Variants in PIK3R3 observed in about 807,000 individuals in gnomAD.
PIK3R3 encodes the protein phosphoinositide-3-kinase regulatory subunit 3.
A neutral mutation model predicts 62.9 loss-of-function variants in PIK3R3; 64 were observed. The ratio of observed to expected loss-of-function variants is 1.02; its 90% CI spans 0.83 to 1.25. The LOEUF is 1.25. Ranked by LOEUF, PIK3R3 falls within the 50% of genes most tolerant of loss-of-function variation. The pLI is 0.00. For missense variants in PIK3R3, 614 were observed against 561.6 expected (o/e 1.09, Z -0.94); for synonymous variants, 165 against 189.0 (o/e 0.87, Z 1.04).
intron 1 of PIK3R3, among the ~76,000 whole-genome samples, chr1:46,128,454 G>GA (rs935930408): frequency 1.3e-5 from 2 of 151,848 alleles, no homozygotes; most frequent in African/African-American, 4.8e-5. Context: ...AAATAAAGAT[G>GA]AAAAAACATA....
rs549776211 is a variant in PIK3R3, at chr1:46,081,514, G to C, written c.107-764C>G. Among the ~76,000 whole-genome samples, 8 of 152,250 alleles carry C rather than the reference G, an allele frequency of 5.3e-5. No individual in the cohort carries two copies. In the Middle Eastern group the frequency reaches 0.01, roughly 194 times the overall value. ...GTGAACTGCACATGTGAGGGATCGA[G>C]GTTGTGTGATCCTTATGAAAATCTA... On this transcript the variant is annotated intron_variant, in intron 1 of 9. Coordinates refer to ENST00000262741, the MANE Select transcript of PIK3R3 (RefSeq NM_003629.4).
chr1:46,055,842 G>C lies in PIK3R3; in HGVS notation c.894C>G (p.Ile298Met). ...NREIDKKMNS[I>M]KPDLIQLRKI... ...TTCGCAGCTGGATCAGGTCAGGTTT[G>C]ATGCTATTCATTTTTTTATCTATTT... The change falls in exon 7 of 10, where the codon ATC becomes ATG. Residue 298 changes from isoleucine to methionine, a missense_variant. Transcript: ENST00000262741. The C allele has an allele frequency of 3.1e-6, 5 of 1,609,288 alleles. No individual in the cohort carries two copies. Among genetic ancestry groups the C allele is most frequent in the South Asian group, 1.1e-5 (1 of 90,676 alleles).
chr1:46,100,864 G>T (rs1407743967), intron 1 of PIK3R3, among the ~76,000 whole-genome samples: 3 of 152,086 alleles, frequency 2.0e-5, no homozygotes, highest in Non-Finnish European at 4.4e-5. Context: ...CATTGTAGCT[G>T]TTGCTGCTAT....
At chr1:46,110,355 C>T (rs1414839166) in intron 1 of PIK3R3, among the ~76,000 whole-genome samples, 1 of 146,828 alleles carries the variant, frequency 6.8e-6, no homozygotes, top group East Asian at 2.1e-4. Context: ...CTCCTGACCT[C>T]AAGTTATGCA....
chr1:46,085,214 T>C (rs941393707), intron 1 of PIK3R3, among the ~76,000 whole-genome samples: 3 of 152,206 alleles, frequency 2.0e-5, no homozygotes, highest in African/African-American at 7.2e-5. Flanking sequence ...TCATAAGATC[T>C]GAACTGAATG....
intron 1 of PIK3R3, among the ~76,000 whole-genome samples, chr1:46,126,324 G>C (rs1049159801): frequency 6.6e-6 from 1 of 151,704 alleles, no homozygotes; most frequent in African/African-American, 2.4e-5. Flanking sequence ...GATCATTTGA[G>C]GTCAGGAGTT....
At chr1:46,172,857 G>A in the PIK3R3 span, among the ~76,000 whole-genome samples, 1 of 152,078 alleles carries the variant, frequency 6.6e-6, no homozygotes, top group African/African-American at 2.4e-5. Flanking sequence ...GCCAGGCATG[G>A]TGGCACATGC....
chr1:46,126,237 A>G (rs1032428033), intron 1 of PIK3R3, among the ~76,000 whole-genome samples: 10 of 151,758 alleles, frequency 6.6e-5, no homozygotes, highest in Admixed American at 3.9e-4. Flanking sequence ...CAGAGATGAG[A>G]ATTTAAATGT....
intron 6 of PIK3R3, among the ~76,000 whole-genome samples, chr1:46,058,602 C>A (rs1220781136): frequency 1.3e-5 from 2 of 152,206 alleles, no homozygotes; most frequent in Non-Finnish European, 2.9e-5. Context: ...TCAAAGGAGA[C>A]CATTTTGGAG....
At chr1:46,104,091 G>GT (rs547767577) in intron 1 of PIK3R3, among the ~76,000 whole-genome samples, 4,995 of 151,392 alleles carry the variant, frequency 0.033, 277 homozygotes, top group African/African-American at 0.11. Context: ...TGCCTGGCTA[G>GT]TTTTTTTTGT....
chr1:46,145,306 C>T, the PIK3R3 span, among the ~76,000 whole-genome samples: 1 of 151,962 alleles, frequency 6.6e-6, no homozygotes, highest in South Asian at 2.1e-4. Flanking sequence ...AAGCTGCTTC[C>T]ATCCATCCCT....
chr1:46,080,764 G>A lies in PIK3R3; in HGVS notation c.107-14C>T. 1 of 1,494,770 alleles carries A rather than the reference G, an allele frequency of 6.7e-7. No homozygotes were observed. The highest frequency in any genetic ancestry group is 9.3e-7 in the Non-Finnish European group (1 of 1,071,300). The allele number at this position is 1,494,770 out of a possible 1,614,324, so 92.6% of individuals were successfully genotyped here. A position where few individuals can be genotyped will look rare whatever the true frequency, so the allele number is the denominator to read the frequency against. ...TTGGTGGAAGAGCTAGAAGAGAAAT[G>A]AATATTACTCTGTAGATGTAAATTA... On this transcript the variant is annotated splice_polypyrimidine_tract_variant and intron_variant, in intron 1 of 9. Transcript: ENST00000262741.
At chr1:46,074,896 TG>T (rs1219468990) in intron 3 of PIK3R3, among the ~76,000 whole-genome samples, 1 of 152,156 alleles carries the variant, frequency 6.6e-6, no homozygotes, top group East Asian at 1.9e-4. Context: ...GCTAATCACA[TG>T]ATGAGAGTAT....
chr1:46,125,642 C>G (rs1655024320), intron 1 of PIK3R3, among the ~76,000 whole-genome samples: 1 of 152,176 alleles, frequency 6.6e-6, no homozygotes. Context: ...AGCAAATAAG[C>G]TTCTTCGAAA....
chr1:46,071,759 A>AGAGAGAGAGAGC (rs777668187), intron 3 of PIK3R3, among the ~76,000 whole-genome samples: 103 of 99,996 alleles, frequency 1.0e-3, no homozygotes, highest in Non-Finnish European at 1.3e-3. Context: ...AGAGAGAGAG[A>AGAGAGAGAGAGC]GCGCGCGCCT....
intron 1 of PIK3R3, among the ~76,000 whole-genome samples, chr1:46,124,902 A>C (rs1571565504): frequency 6.6e-6 from 1 of 151,982 alleles, no homozygotes; most frequent in East Asian, 1.9e-4. Flanking sequence ...GTTTGAGACC[A>C]GTCTGGCCAA....
In PIK3R3 at chr1:46,132,459, TC is replaced by T; in HGVS notation, c.-508del. 1 of 1,192,006 alleles carries T rather than the reference TC, an allele frequency of 8.4e-7. No individual in the cohort carries two copies. Among genetic ancestry groups the T allele is most frequent in the Non-Finnish European group, 1.1e-6 (1 of 943,456 alleles). 73.8% of individuals were successfully genotyped at this position (1,192,006 alleles called of 1,614,324 possible). A position where few individuals can be genotyped will look rare whatever the true frequency, so the allele number is the denominator to read the frequency against. On this transcript the variant is annotated 5_prime_UTR_variant, in exon 1 of 10. Coordinates refer to ENST00000262741, the MANE Select transcript of PIK3R3 (RefSeq NM_003629.4). The stretch of plus-strand genomic sequence containing the variant: ...GTCCCACTGGTCTGCAGAGAGCGAA[TC>T]CCCCAGAGGCCGGGACTCGGGCTCC...
At chr1:46,089,239 A>G (rs2149425205) in intron 1 of PIK3R3, among the ~76,000 whole-genome samples, 1 of 152,336 alleles carries the variant, frequency 6.6e-6, no homozygotes, top group Non-Finnish European at 1.5e-5. Flanking sequence ...ATGCAGTACT[A>G]GGATGACAGC....
chr1:46,117,277 C>A lies in PIK3R3; in HGVS notation c.106+14570G>T, dbSNP rs147194051. On this transcript the variant is annotated intron_variant, in intron 1 of 9. Coordinates refer to ENST00000262741, the MANE Select transcript of PIK3R3 (RefSeq NM_003629.4). ...GTAAGACCTCATCCCTACAAAAAAT[C>A]AAAAAATTAGCTAGGTATGGTGGCA... Among the ~76,000 whole-genome samples, 424 of 151,908 alleles carry A rather than the reference C, an allele frequency of 2.8e-3. 2 individuals carry two copies. The highest frequency in any genetic ancestry group is 9.4e-3 in the African/African-American group (391 of 41,464).
Sources: allele counts gnomAD v4.1 joint callset (sites outside exome capture counted in the v4.1 genomes callset), GRCh38; gene constraint gnomAD v4.1.1; transcripts MANE v1.5; gene names NCBI Gene and HGNC (gene_info 2026-07-23, HGNC 2026-07-21).